The following MBTPS2 variants were observed in gnomAD, a reference collection of about 807,000 sequenced individuals.
The protein encoded by MBTPS2 is membrane bound transcription factor peptidase, site 2, also known as membrane-bound transcription factor site-2 protease.
A neutral mutation model predicts 35.4 loss-of-function variants in MBTPS2; 2 were observed. The ratio of observed to expected loss-of-function variants is 0.06; its 90% CI spans 0.02 to 0.18. MBTPS2 has a LOEUF of 0.18. Ranked by LOEUF, MBTPS2 falls within the 10% of genes least tolerant of loss-of-function variation. The pLI, the probability that MBTPS2 is intolerant of heterozygous loss-of-function variation, is 1.00. For synonymous variants in MBTPS2, 125 were observed against 140.4 expected, an observed-to-expected ratio of 0.89 and a Z score of 0.77; for missense variants, 244 against 386.5, an observed-to-expected ratio of 0.63 and a Z score of 3.09.
At chrX:21,867,853 C>A (rs2092942296) in intron 5 of MBTPS2, among the ~76,000 whole-genome samples, 1 of 110,843 alleles carries the variant, frequency 9.0e-6, no homozygotes, top group African/African-American at 3.3e-5. Flanking sequence ...GTTGGCCAAG[C>A]TGGTGTTGAT....
chrX:21,883,310 G>A lies in MBTPS2; in HGVS notation c.*655G>A. 1 of 755,971 alleles carries A rather than the reference G, an allele frequency of 1.3e-6. No homozygotes were observed. Among genetic ancestry groups the A allele is most frequent in the Non-Finnish European group, 1.6e-6 (1 of 640,451 alleles). 62.3% of individuals were successfully genotyped at this position (755,971 alleles called of 1,213,427 possible). A position where few individuals can be genotyped will look rare whatever the true frequency, so the allele number is the denominator to read the frequency against. On this transcript the variant is annotated 3_prime_UTR_variant, in exon 11 of 11. Coordinates refer to ENST00000379484, the MANE Select transcript of MBTPS2 (RefSeq NM_015884.4). ...TCGTGAGACATGTTTTGCCCCACAAGAGTTGCATCTTTTATAAGGTGTCTC... is the reference window on the plus strand; with the variant it reads ...TCGTGAGACATGTTTTGCCCCACAAAAGTTGCATCTTTTATAAGGTGTCTC...
In MBTPS2 at chrX:21,857,652, G is replaced by A. The variant is rs759188549; in HGVS notation, c.670+4149G>A. ...TTGGGAATTATCTTCCAGGACTGCG[G>A]TAGGGAATAAATATGCCTCTCAAAG... is the stretch of plus-strand genomic sequence containing the variant. On this transcript the variant is annotated intron_variant, in intron 5 of 10. Transcript: ENST00000379484. 9 of 1,125,303 alleles carry A rather than the reference G, an allele frequency of 8.0e-6. No individual in the cohort carries two copies. The South Asian group carries it at 8.6e-5, about 11-fold the overall frequency. The allele number at this position is 1,125,303 out of a possible 1,213,427, so 92.7% of individuals were successfully genotyped here. A position where few individuals can be genotyped will look rare whatever the true frequency, so the allele number is the denominator to read the frequency against.
chrX:21,851,422 C>T, intron 3 of MBTPS2, 87 bp from the exon 4 acceptor site: 1 of 583,363 alleles, frequency 1.7e-6, no homozygotes. Flanking sequence ...AGGTTTAATA[C>T]AGAATGAACA....
At chrX:21,854,793 A>G (rs902414028) in intron 5 of MBTPS2, among the ~76,000 whole-genome samples, 4 of 112,230 alleles carry the variant, frequency 3.6e-5, no homozygotes, top group African/African-American at 1.3e-4. Flanking sequence ...ACAGAAGACA[A>G]TATTTTTTCA....
In MBTPS2 at chrX:21,883,309, A is replaced by T. The variant is rs774709489; in HGVS notation, c.*654A>T. The T allele has an allele frequency of 1.3e-6, 1 of 754,523 alleles. No individual in the cohort carries two copies. Among genetic ancestry groups the T allele is most frequent in the African/African-American group, 2.3e-5 (1 of 43,292 alleles). The allele number at this position is 754,523 out of a possible 1,213,427, so 62.2% of individuals were successfully genotyped here. On this transcript the variant is annotated 3_prime_UTR_variant, in exon 11 of 11. Transcript: ENST00000379484. ...ATCGTGAGACATGTTTTGCCCCACA[A>T]GAGTTGCATCTTTTATAAGGTGTCT...
chrX:21,855,806 G>A (rs1014817411), intron 5 of MBTPS2, among the ~76,000 whole-genome samples: 20 of 105,073 alleles, frequency 1.9e-4, no homozygotes, highest in Non-Finnish European at 2.5e-4. Flanking sequence ...CCGAGATCGC[G>A]CGCCACTGCA....
intron 3 of MBTPS2, among the ~76,000 whole-genome samples, chrX:21,851,141 T>G (rs1023699634): frequency 3.6e-5 from 4 of 111,306 alleles, no homozygotes; most frequent in African/African-American, 6.5e-5. Context: ...GCCCTTGAGG[T>G]TGGGTCAGCT....
intron 5 of MBTPS2, among the ~76,000 whole-genome samples, chrX:21,862,933 C>T (rs11094818): frequency 2.3e-3 from 63 of 27,654 alleles, no homozygotes; most frequent in East Asian, 6.6e-3. Flanking sequence ...TATATATAAA[C>T]ATATATATAT....
chrX:21,868,323 C>A, intron 5 of MBTPS2, 144 bp from the exon 6 acceptor site: 1 of 549,594 alleles, frequency 1.8e-6, no homozygotes, highest in South Asian at 2.3e-5. Flanking sequence ...TCTGTCTGCT[C>A]TACTAATAAG....
intron 5 of MBTPS2, among the ~76,000 whole-genome samples, chrX:21,862,806 G>A (rs1409782060): frequency 2.1e-5 from 2 of 94,441 alleles, no homozygotes; most frequent in South Asian, 1.0e-3. Flanking sequence ...ACGAGACTCC[G>A]TCTCAAAAAA....
intron 3 of MBTPS2, among the ~76,000 whole-genome samples, chrX:21,845,925 A>G (rs2092908198): frequency 8.9e-6 from 1 of 112,005 alleles, no homozygotes; most frequent in Non-Finnish European, 1.9e-5. Flanking sequence ...TATGTCTCCA[A>G]AGTTTGGAAG....
chrX:21,854,063 C>T (rs2092917648), intron 5 of MBTPS2, among the ~76,000 whole-genome samples: 1 of 111,013 alleles, frequency 9.0e-6, no homozygotes, highest in South Asian at 3.8e-4. Flanking sequence ...AATTCTCAAA[C>T]TAACAACGAC....
intron 3 of MBTPS2, 140 bp downstream of exon 3, chrX:21,845,524 C>T (rs772245559): frequency 1.8e-6 from 1 of 550,257 alleles, no homozygotes; most frequent in Non-Finnish European, 2.8e-6. Context: ...CCTGCTTACA[C>T]AAAAAAATTA....
intron 9 of MBTPS2, among the ~76,000 whole-genome samples, chrX:21,880,603 A>C (rs1351187156): frequency 8.9e-6 from 1 of 111,791 alleles, no homozygotes; most frequent in Non-Finnish European, 1.9e-5. Flanking sequence ...AGTAAATGTA[A>C]TTTTAAGGTT....
chrX:21,845,451 G>A, intron 3 of MBTPS2, 67 bp downstream of exon 3: 2 of 979,721 alleles, frequency 2.0e-6, no homozygotes, highest in Admixed American at 5.5e-5. Context: ...TTATGATCTA[G>A]TGTAACTCCT....
intron 9 of MBTPS2, among the ~76,000 whole-genome samples, chrX:21,880,525 C>T (rs1354986488): frequency 1.8e-5 from 2 of 110,177 alleles, no homozygotes; most frequent in Non-Finnish European, 3.8e-5. Flanking sequence ...ATCCCCTCAT[C>T]TTAATCCTTG....
Position 21,882,807 on chromosome X carries a change from A to G in MBTPS2, c.*152A>G. On this transcript the variant is annotated 3_prime_UTR_variant, in exon 11 of 11. Transcript: ENST00000379484. ...AACCCTGAGCTCCTCCCATATCCAG[A>G]GTACCCAAACTCTGTGGTAGAAGAT... The G allele has an allele frequency of 8.9e-7, 1 of 1,129,579 alleles. No individual in the cohort carries two copies. The highest frequency in any genetic ancestry group is 1.2e-6 in the Non-Finnish European group (1 of 856,509). 93.1% of individuals were successfully genotyped at this position (1,129,579 alleles called of 1,213,427 possible).
At chrX:21,856,650 C>T (rs1175012090) in intron 5 of MBTPS2, 2 of 1,211,865 alleles carry the variant, frequency 1.7e-6, no homozygotes, top group Non-Finnish European at 2.2e-6. Flanking sequence ...TGGCCACAAC[C>T]ATCCGCCATT....
intron 5 of MBTPS2, among the ~76,000 whole-genome samples, chrX:21,866,401 C>G (rs1321765620): frequency 9.1e-6 from 1 of 110,442 alleles, no homozygotes; most frequent in African/African-American, 3.3e-5. Context: ...ATGGAAAATC[C>G]AAGAGAATAA....
Sources: gnomAD v4.1 joint callset for allele counts (sites outside exome capture counted in the v4.1 genomes callset) on GRCh38, gnomAD v4.1.1 for gene constraint, MANE v1.5 for transcripts, NCBI Gene and HGNC (gene_info 2026-07-23, HGNC 2026-07-21) for gene names.